The following IL18R1 variants were observed in gnomAD, a reference collection of about 807,000 sequenced individuals.
IL18R1 encodes interleukin-18 receptor 1.
A neutral mutation model predicts 48.5 loss-of-function variants in IL18R1; 40 were observed. The ratio of observed to expected loss-of-function variants is 0.82; its 90% CI spans 0.64 to 1.07. IL18R1 has a LOEUF of 1.07. Among genes scored for constraint, IL18R1 ranks in the 50% least tolerant of loss-of-function variants. The pLI, the probability that IL18R1 is intolerant of heterozygous loss-of-function variation, is 0.00. For missense variants in IL18R1, 596 were observed against 633.7 expected (o/e 0.94, Z 0.64); for synonymous variants, 232 against 225.9 (o/e 1.03, Z -0.24).
rs41333451 is a variant in IL18R1 at position 102,397,714 on chromosome 2, T to G, written c.*828T>G. ...CATTGAATAGCAAAAAACTGATAGTTACTTGCTTGTTTTTTAAAAATTACA... is the reference window on the plus strand; with the variant it reads ...CATTGAATAGCAAAAAACTGATAGTGACTTGCTTGTTTTTTAAAAATTACA... On this transcript the variant is annotated 3_prime_UTR_variant, in exon 11 of 11. Coordinates refer to ENST00000233957, the MANE Select transcript of IL18R1 (RefSeq NM_003855.5). 2.0e-5 allele frequency: 3 copies of G among 152,474 alleles called. No homozygotes were observed. Among genetic ancestry groups the G allele is most frequent in the Admixed American group, 1.3e-4 (2 of 15,306 alleles). The allele number at this position is 152,474 out of a possible 1,614,324, so 9.4% of individuals were successfully genotyped here.
At chr2:102,390,411 T>C (rs1340015088) in intron 9 of IL18R1, among the ~76,000 whole-genome samples, 194 bp downstream of exon 9, 1 of 152,194 alleles carries the variant, frequency 6.6e-6, no homozygotes, top group African/African-American at 2.4e-5. Context: ...TGCTTACTTA[T>C]GTGTTGCCCA....
intron 8 of IL18R1, among the ~76,000 whole-genome samples, chr2:102,389,458 G>T (rs1277423288): frequency 1.3e-5 from 2 of 152,210 alleles, no homozygotes; most frequent in East Asian, 3.9e-4. Context: ...TTTATACAAA[G>T]AATTTGCTAA....
At chr2:102,360,590 A>G (rs554046495) in intron 1 of IL18R1, among the ~76,000 whole-genome samples, 2 of 152,348 alleles carry the variant, frequency 1.3e-5, no homozygotes, top group South Asian at 4.1e-4. Flanking sequence ...GACAACATTT[A>G]TAAAAAGTAC....
chr2:102,376,625 A>T lies in IL18R1; in HGVS notation c.625+562A>T, dbSNP rs1679602077. Reference sequence around the variant, plus strand: ...TCTTGGAGGGGGAGCCTCATGAAACAGTGACCTGCTGGGGGAAGGGATCTC... The same window carrying T: ...TCTTGGAGGGGGAGCCTCATGAAACTGTGACCTGCTGGGGGAAGGGATCTC... On this transcript the variant is annotated intron_variant, in intron 5 of 10. Transcript: ENST00000233957. 2.0e-5 allele frequency among the ~76,000 whole-genome samples: 3 copies of T among 152,186 alleles called. No individual in the cohort carries two copies. The South Asian group carries it at 6.2e-4, about 31-fold the overall frequency.
intron 1 of IL18R1, among the ~76,000 whole-genome samples, chr2:102,357,567 G>A (rs943825833): frequency 6.6e-6 from 1 of 152,152 alleles, no homozygotes; most frequent in Non-Finnish European, 1.5e-5. Flanking sequence ...AGCTAGTCCA[G>A]GAGTGATGGA....
intron 2 of IL18R1, 88 bp from the exon 3 acceptor site, chr2:102,367,737 T>C (rs1678989889): frequency 8.1e-6 from 9 of 1,115,730 alleles, no homozygotes; most frequent in Non-Finnish European, 1.1e-5. Context: ...ACCTTGCTTC[T>C]TCACCTAATG....
At position 102,384,979 on chromosome 2, in the gene IL18R1, GAGAA is replaced by G; in HGVS notation, c.796_799del (p.Glu266Ter). On this transcript the variant is annotated frameshift_variant, in exon 7 of 11. Transcript: ENST00000233957. LOFTEE classifies it high-confidence loss of function. Reference sequence around the variant, plus strand: ...TGGATCGGATCCTAATATACATGAAGAGAAAGAAATGAGAATTATGTATGTATGT... The same window carrying G: ...TGGATCGGATCCTAATATACATGAAGAGAAATGAGAATTATGTATGTATGT... 3 of 1,587,658 alleles carry G rather than the reference GAGAA, an allele frequency of 1.9e-6. No homozygotes were observed. The highest frequency in any genetic ancestry group is 2.6e-6 in the Non-Finnish European group (3 of 1,157,290).
At chr2:102,378,525 G>A (rs902120687) in intron 5 of IL18R1, among the ~76,000 whole-genome samples, 5 of 152,194 alleles carry the variant, frequency 3.3e-5, no homozygotes, top group African/African-American at 9.7e-5. Flanking sequence ...CTTGGAGAAT[G>A]TCAACTGAGT....
At chr2:102,385,164 G>A (rs2105105614) in intron 7 of IL18R1, among the ~76,000 whole-genome samples, 166 bp downstream of exon 7, 1 of 152,168 alleles carries the variant, frequency 6.6e-6, no homozygotes, top group South Asian at 2.1e-4. Flanking sequence ...TACCCTAGGT[G>A]GACGCATTAT....
rs780006077 is a variant in IL18R1, at chr2:102,368,077, C to A, written c.302+9C>A. On this transcript the variant is annotated intron_variant, in intron 3 of 10. Transcript: ENST00000233957. ...TACTTTTTCCAAATGAAGTGAGTAACCCTTTCTTTTCAAAATGTATTTCAC... is the reference window on the plus strand; with the variant it reads ...TACTTTTTCCAAATGAAGTGAGTAAACCTTTCTTTTCAAAATGTATTTCAC... 1.2e-6 allele frequency: 2 copies of A among 1,612,860 alleles called. No individual in the cohort carries two copies. Among genetic ancestry groups the A allele is most frequent in the African/African-American group, 1.3e-5 (1 of 74,890 alleles).
rs559328254 is a variant in IL18R1 at position 102,391,033 on chromosome 2, T to C, written c.1111+816T>C. On this transcript the variant is annotated intron_variant, in intron 9 of 10. Transcript: ENST00000233957. ...ACCTGCCAGTTTTTATCTGCTACTA[T>C]GTCGACCCGCTGGCTCTATGCCTCA... Among the ~76,000 whole-genome samples the C allele has an allele frequency of 1.3e-4, 20 of 152,178 alleles. No individual in the cohort carries two copies. The South Asian group carries it at 3.9e-3, about 30-fold the overall frequency.
At chr2:102,365,072 C>T (rs1678809183) in intron 2 of IL18R1, among the ~76,000 whole-genome samples, 2 of 152,250 alleles carry the variant, frequency 1.3e-5, no homozygotes, top group Middle Eastern at 3.4e-3. Context: ...TCCCAAATCT[C>T]ATGCTCTCAC....
chr2:102,390,947 AAAAG>A (rs1336434288), intron 9 of IL18R1, among the ~76,000 whole-genome samples: 10 of 150,928 alleles, frequency 6.6e-5, no homozygotes, highest in Non-Finnish European at 1.3e-4. Flanking sequence ...AAAAAAAAAA[AAAAG>A]AGAGAGAAAA....
intron 9 of IL18R1, among the ~76,000 whole-genome samples, chr2:102,390,779 A>G (rs939489402): frequency 6.6e-6 from 1 of 151,780 alleles, no homozygotes; most frequent in Non-Finnish European, 1.5e-5. Flanking sequence ...TAAAAATACA[A>G]AAAATTAGCC....
intron 4 of IL18R1, among the ~76,000 whole-genome samples, chr2:102,373,636 C>T (rs1424276459): frequency 6.6e-6 from 1 of 152,058 alleles, no homozygotes. Context: ...TTTTAGACCA[C>T]GCTATAGGAA....
At chr2:102,357,490 CA>C (rs56719099) in intron 1 of IL18R1, among the ~76,000 whole-genome samples, 129 of 137,498 alleles carry the variant, frequency 9.4e-4, no homozygotes, top group South Asian at 3.1e-3. Flanking sequence ...GACTCTATCT[CA>C]AAAAAAAAAA....
At chr2:102,365,737 T>G (rs1233133512) in intron 2 of IL18R1, among the ~76,000 whole-genome samples, 1 of 152,198 alleles carries the variant, frequency 6.6e-6, no homozygotes, top group Non-Finnish European at 1.5e-5. Context: ...TTTCCATACA[T>G]CCTCTGAAAC....
intron 5 of IL18R1, among the ~76,000 whole-genome samples, chr2:102,376,618 A>G (rs1026883627): frequency 6.6e-6 from 1 of 152,170 alleles, no homozygotes; most frequent in South Asian, 2.1e-4. Context: ...GGGGAGCCTC[A>G]TGAAACAGTG....
chr2:102,385,031 T>C lies in IL18R1; in HGVS notation c.809+33T>C, dbSNP rs762504755. 3.3e-6 allele frequency: 4 copies of C among 1,212,544 alleles called. No homozygotes were observed. In the South Asian group the frequency reaches 5.3e-5, roughly 16 times the overall value. The allele number at this position is 1,212,544 out of a possible 1,614,324, so 75.1% of individuals were successfully genotyped here. A position where few individuals can be genotyped will look rare whatever the true frequency, so the allele number is the denominator to read the frequency against. Reference sequence around the variant, plus strand: ...TGTGTAATATATATGTCATGATATATACCATATAACAATCATATATATTAT... The same window carrying C: ...TGTGTAATATATATGTCATGATATACACCATATAACAATCATATATATTAT... On this transcript the variant is annotated intron_variant, in intron 7 of 10. Transcript: ENST00000233957.
Sources: allele counts gnomAD v4.1 joint callset (sites outside exome capture counted in the v4.1 genomes callset), GRCh38; gene constraint gnomAD v4.1.1; transcripts MANE v1.5; gene names NCBI Gene and HGNC (gene_info 2026-07-23, HGNC 2026-07-21).